Variants in MACROD2 observed in about 807,000 individuals in gnomAD.
MACROD2 encodes the protein mono-ADP ribosylhydrolase 2.
In MACROD2, 36 loss-of-function variants were observed where a neutral mutation model predicts 70.4. That is an observed-to-expected ratio of 0.51 (90% confidence interval 0.39 to 0.68). The LOEUF (loss-of-function observed/expected upper bound fraction) is 0.68. Among genes scored for constraint, MACROD2 ranks in the 30% least tolerant of loss-of-function variants. The pLI is 0.00. For missense variants in MACROD2, 496 were observed against 538.4 expected (o/e 0.92, Z 0.78); for synonymous variants, 172 against 178.8 (o/e 0.96, Z 0.30).
intron 4 of MACROD2, among the ~76,000 whole-genome samples, chr20:14,610,717 GT>G (rs1233611554): frequency 2.0e-5 from 3 of 151,742 alleles, no homozygotes; most frequent in South Asian, 4.2e-4. Flanking sequence ...TTGTATGAGG[GT>G]TTTTTTCTCT....
At chr20:14,100,663 TA>T (rs1245883178) in intron 3 of MACROD2, among the ~76,000 whole-genome samples, 1 of 140,146 alleles carries the variant, frequency 7.1e-6, no homozygotes, top group East Asian at 2.0e-4. Flanking sequence ...TATAAATATA[TA>T]TTTAAATGTA....
chr20:14,387,952 C>A (rs971485689), intron 3 of MACROD2, among the ~76,000 whole-genome samples: 14 of 151,768 alleles, frequency 9.2e-5, no homozygotes, highest in African/African-American at 3.4e-4. Flanking sequence ...TTCCTTTTTT[C>A]CCTTTGGTTC....
intron 15 of MACROD2, among the ~76,000 whole-genome samples, chr20:16,026,818 G>C (rs975690509): frequency 1.7e-4 from 26 of 152,156 alleles, no homozygotes; most frequent in African/African-American, 6.3e-4. Context: ...CCTACGAGGA[G>C]GGTTTCGGCA....
intron 6 of MACROD2, among the ~76,000 whole-genome samples, chr20:15,261,793 C>T (rs1290918755): frequency 2.0e-5 from 3 of 151,986 alleles, no homozygotes; most frequent in African/African-American, 7.2e-5. Context: ...CAAATATAGC[C>T]ACTTAGCTTT....
At chr20:14,418,601 AT>A (rs1163944796) in intron 3 of MACROD2, among the ~76,000 whole-genome samples, 1 of 152,232 alleles carries the variant, frequency 6.6e-6, no homozygotes, top group Non-Finnish European at 1.5e-5. Context: ...TTTGTTAGGA[AT>A]TTAACAGTTC....
At chr20:15,148,195 A>G (rs1568601530) in intron 5 of MACROD2, among the ~76,000 whole-genome samples, 1 of 151,934 alleles carries the variant, frequency 6.6e-6, no homozygotes, top group Non-Finnish European at 1.5e-5. Flanking sequence ...GTGGGAGCCT[A>G]GAGTGGGAGA....
intron 8 of MACROD2, among the ~76,000 whole-genome samples, chr20:15,780,495 A>C (rs2051812968): frequency 6.6e-6 from 1 of 152,176 alleles, no homozygotes. Flanking sequence ...AAGGTATTTA[A>C]AAACAAGGAA....
chr20:14,306,012 T>G (rs1302107688), intron 3 of MACROD2, among the ~76,000 whole-genome samples: 1 of 152,070 alleles, frequency 6.6e-6, no homozygotes. Context: ...TCTTGCTTTC[T>G]CTCTCTCCCT....
chr20:14,579,147 T>A (rs901578028), intron 4 of MACROD2, among the ~76,000 whole-genome samples: 1 of 142,548 alleles, frequency 7.0e-6, no homozygotes, highest in African/African-American at 2.6e-5. Context: ...TTTTTTTTTT[T>A]TTTTTGAGAC....
chr20:15,522,243 T>C (rs1382095249), intron 8 of MACROD2, among the ~76,000 whole-genome samples: 1 of 152,198 alleles, frequency 6.6e-6, no homozygotes, highest in East Asian at 1.9e-4. Flanking sequence ...GTCCTAGTGC[T>C]GTAAAAGAGG....
intron 15 of MACROD2, among the ~76,000 whole-genome samples, chr20:16,003,074 C>A (rs903619346): frequency 2.9e-3 from 108 of 37,658 alleles, no homozygotes; most frequent in East Asian, 9.3e-3. Context: ...GAAAACCCAC[C>A]CACCCACCCA....
intron 5 of MACROD2, among the ~76,000 whole-genome samples, chr20:14,725,010 A>T (rs560035200): frequency 6.6e-6 from 1 of 152,244 alleles, no homozygotes; most frequent in South Asian, 2.1e-4. Context: ...CTGGAGATGG[A>T]GACAAATGGG....
At chr20:14,390,524 T>C (rs2083515236) in intron 3 of MACROD2, among the ~76,000 whole-genome samples, 1 of 152,178 alleles carries the variant, frequency 6.6e-6, no homozygotes, top group East Asian at 1.9e-4. Context: ...CAAAACAGCA[T>C]GGTACTGGCA....
intron 5 of MACROD2, among the ~76,000 whole-genome samples, chr20:15,131,227 G>A (rs1373729034): frequency 6.6e-6 from 1 of 151,992 alleles, no homozygotes; most frequent in East Asian, 1.9e-4. Context: ...TAAAATGTAG[G>A]GAATCAATGA....
At chr20:15,021,283 C>T (rs553828395) in intron 5 of MACROD2, among the ~76,000 whole-genome samples, 4 of 130,822 alleles carry the variant, frequency 3.1e-5, no homozygotes, top group African/African-American at 1.2e-4. Flanking sequence ...TATACGCACA[C>T]CTGTGTGTGT....
At chr20:14,761,013 G>C (rs762162950) in intron 5 of MACROD2, among the ~76,000 whole-genome samples, 9 of 151,984 alleles carry the variant, frequency 5.9e-5, no homozygotes, top group Non-Finnish European at 8.8e-5. Flanking sequence ...TTCTTCTGGA[G>C]CTCCTCCTCA....
At chr20:15,408,302 G>A (rs1221978838) in intron 6 of MACROD2, among the ~76,000 whole-genome samples, 5 of 152,148 alleles carry the variant, frequency 3.3e-5, no homozygotes, top group Admixed American at 6.5e-5. Context: ...ATCAACGGAC[G>A]ACAGGTTCTG....
At chr20:14,314,097 A>T (rs1169235138) in intron 3 of MACROD2, among the ~76,000 whole-genome samples, 1 of 152,242 alleles carries the variant, frequency 6.6e-6, no homozygotes, top group Non-Finnish European at 1.5e-5. Context: ...TTTAACAAAA[A>T]AATGTACTGG....
chr20:14,601,360 A>T (rs559814005), intron 4 of MACROD2, among the ~76,000 whole-genome samples: 140 of 152,248 alleles, frequency 9.2e-4, no homozygotes, highest in Non-Finnish European at 1.4e-3. Flanking sequence ...ATGAAAATCT[A>T]ATGCCACCGG....
Sources: gnomAD v4.1 joint callset for allele counts (sites outside exome capture counted in the v4.1 genomes callset) on GRCh38, gnomAD v4.1.1 for gene constraint, MANE v1.5 for transcripts, NCBI Gene and HGNC (gene_info 2026-07-23, HGNC 2026-07-21) for gene names.